The following GALNT10 variants were observed in gnomAD, a reference collection of about 807,000 sequenced individuals.
The protein encoded by GALNT10 is GalNAc transferase 10.
GALNT10 carries 41 observed loss-of-function variants against 75.0 expected under a neutral mutation model. That is an observed-to-expected ratio of 0.55 (90% CI 0.43 to 0.71). The LOEUF is 0.71. Among genes scored for constraint, GALNT10 ranks in the 30% least tolerant of loss-of-function variants. The pLI is 0.00. For synonymous variants in GALNT10, 302 were observed against 313.0 expected, an observed-to-expected ratio of 0.96 and a Z score of 0.37; for missense variants, 727 against 818.5, an observed-to-expected ratio of 0.89 and a Z score of 1.36.
chr5:154,281,888 C>A (rs897918505), intron 1 of GALNT10, among the ~76,000 whole-genome samples: 6 of 152,148 alleles, frequency 3.9e-5, no homozygotes, highest in Non-Finnish European at 8.8e-5. Flanking sequence ...GTGGCCTTTG[C>A]ATTCTAGGCA....
rs1756521996 is a variant in GALNT10 at position 154,416,873 on chromosome 5, T to C, written c.1713T>C (p.His571=). The C allele has an allele frequency of 8.7e-6, 14 of 1,612,986 alleles. No individual in the cohort carries two copies. Among genetic ancestry groups the C allele is most frequent in the Non-Finnish European group, 1.1e-5 (13 of 1,178,916 alleles). The change falls in exon 12 of 12, where the codon CAT becomes CAC. Residue 571 remains histidine, a synonymous_variant. Transcript: ENST00000297107. The surrounding 1 kb of genome is among the most constrained non-coding windows in gnomAD (Gnocchi z 4.5). ...GCATGGACTGCAGTGAAAGTGACCA[T>C]AGGATCTTCATGAACACCTGCAACC... ...GSCMDCSESD[H]RIFMNTCNPS...
intron 8 of GALNT10, among the ~76,000 whole-genome samples, chr5:154,405,901 G>A (rs17637751): frequency 1.3e-5 from 2 of 150,022 alleles, no homozygotes; most frequent in African/African-American, 4.9e-5. Context: ...AGGCCCACCT[G>A]ATAAAGAGAC....
chr5:154,327,876 C>T (rs1754779902), intron 3 of GALNT10, among the ~76,000 whole-genome samples: 2 of 152,144 alleles, frequency 1.3e-5, no homozygotes, highest in Admixed American at 6.5e-5. Flanking sequence ...TAAGGGATCC[C>T]TGTACCACCA....
chr5:154,397,544 C>G (rs907536665), intron 7 of GALNT10, among the ~76,000 whole-genome samples: 1 of 152,182 alleles, frequency 6.6e-6, no homozygotes, highest in Non-Finnish European at 1.5e-5. Flanking sequence ...ATAAAACTTG[C>G]TTAACAGCCT....
chr5:154,350,332 G>T (rs1259071981), intron 4 of GALNT10, among the ~76,000 whole-genome samples: 1 of 152,194 alleles, frequency 6.6e-6, no homozygotes, highest in East Asian at 1.9e-4. Flanking sequence ...GCAGTCCACA[G>T]CTCAAACATC....
intron 4 of GALNT10, among the ~76,000 whole-genome samples, chr5:154,359,473 C>T (rs1036031690): frequency 6.6e-6 from 1 of 150,586 alleles, no homozygotes; most frequent in Non-Finnish European, 1.5e-5. Flanking sequence ...CACTTGGCCC[C>T]TTCTTCCCGG....
At chr5:154,357,687 C>G (rs548969682) in intron 4 of GALNT10, among the ~76,000 whole-genome samples, 10 of 152,150 alleles carry the variant, frequency 6.6e-5, no homozygotes, top group Non-Finnish European at 1.2e-4. Context: ...CTCATTCCCA[C>G]GAGGCCACAG....
chr5:154,414,665 T>C (rs957519089), intron 10 of GALNT10, among the ~76,000 whole-genome samples: 1 of 152,032 alleles, frequency 6.6e-6, no homozygotes, highest in African/African-American at 2.4e-5. Context: ...ACCTTGATTA[T>C]GATGATGGTT....
At chr5:154,406,051 T>C (rs1240045266) in intron 8 of GALNT10, 1 of 151,992 alleles carries the variant, frequency 6.6e-6, no homozygotes, top group Admixed American at 6.6e-5. Flanking sequence ...TTCTCACTTG[T>C]TTTTAACCCC....
intron 1 of GALNT10, among the ~76,000 whole-genome samples, chr5:154,240,516 T>C (rs1478475548): frequency 6.6e-6 from 1 of 152,212 alleles, no homozygotes; most frequent in Non-Finnish European, 1.5e-5. Context: ...GTTCTTCAGA[T>C]ACTTAAGGAC....
intron 3 of GALNT10, among the ~76,000 whole-genome samples, chr5:154,307,737 G>A (rs952724802): frequency 6.6e-6 from 1 of 151,386 alleles, no homozygotes; most frequent in South Asian, 2.1e-4. Context: ...ATCAGACAAA[G>A]ATATTACAAA....
intron 4 of GALNT10, among the ~76,000 whole-genome samples, chr5:154,357,907 G>GA (rs1755321049): frequency 6.6e-6 from 1 of 152,198 alleles, no homozygotes; most frequent in Non-Finnish European, 1.5e-5. Context: ...TTCTTCATGG[G>GA]AAGGGTTTAG....
intron 1 of GALNT10, among the ~76,000 whole-genome samples, chr5:154,272,697 T>C (rs1370323743): frequency 6.6e-6 from 1 of 152,198 alleles, no homozygotes; most frequent in African/African-American, 2.4e-5. Flanking sequence ...ATAGGAACGA[T>C]AATAATAGTG....
chr5:154,228,313 T>A (rs1255702262), intron 1 of GALNT10, among the ~76,000 whole-genome samples: 1 of 152,234 alleles, frequency 6.6e-6, no homozygotes, highest in East Asian at 1.9e-4. Flanking sequence ...TGTTCTGGTA[T>A]CATTGGTTGA....
chr5:154,262,475 A>G (rs947156614), intron 1 of GALNT10, among the ~76,000 whole-genome samples: 8 of 152,242 alleles, frequency 5.3e-5, no homozygotes, highest in South Asian at 2.1e-4. Context: ...AGTGACCCCA[A>G]TTAACTCCAT....
intron 7 of GALNT10, among the ~76,000 whole-genome samples, chr5:154,390,709 AC>A (rs1755881368): frequency 6.6e-6 from 1 of 152,216 alleles, no homozygotes; most frequent in Non-Finnish European, 1.5e-5. Context: ...CCTCTTCAGA[AC>A]CCCCACCATG....
At chr5:154,217,966 G>A (rs1752909458) in intron 1 of GALNT10, 1 of 972,380 alleles carries the variant, frequency 1.0e-6, no homozygotes. Flanking sequence ...TAAAAATGTT[G>A]GGGTAGGGAT....
At chr5:154,256,338 G>T (rs1753609094) in intron 1 of GALNT10, among the ~76,000 whole-genome samples, 1 of 116,752 alleles carries the variant, frequency 8.6e-6, no homozygotes. Flanking sequence ...TTTTTAAACA[G>T]AGGCTGTTGT....
intron 1 of GALNT10, among the ~76,000 whole-genome samples, chr5:154,204,496 T>G (rs1206181289): frequency 2.0e-5 from 3 of 152,226 alleles, no homozygotes; most frequent in Non-Finnish European, 4.4e-5. Flanking sequence ...ACTGCTGCAC[T>G]GAAACACAGC....
Sources: allele counts gnomAD v4.1 joint callset (sites outside exome capture counted in the v4.1 genomes callset), GRCh38; gene constraint gnomAD v4.1.1; non-coding constraint Gnocchi (gnomAD v3.1); transcripts MANE v1.5; gene names NCBI Gene and HGNC (gene_info 2026-07-23, HGNC 2026-07-21).